Variants in ERG observed in about 807,000 individuals in gnomAD.
The protein encoded by ERG is transcriptional regulator ERG.
Under a neutral mutation model 55.3 loss-of-function variants are expected in ERG, and 9 were observed. The ratio of observed to expected loss-of-function variants is 0.16; its 90% CI spans 0.10 to 0.28. The LOEUF is 0.28. ERG is among the 10% of genes least tolerant of loss of function. ERG has a pLI of 1.00. For synonymous variants in ERG, 223 were observed against 237.3 expected, an observed-to-expected ratio of 0.94 and a Z score of 0.55; for missense variants, 434 against 631.6, an observed-to-expected ratio of 0.69 and a Z score of 3.35.
chr21:38,590,700 C>T (rs1374128312), intron 1 of ERG, among the ~76,000 whole-genome samples: 1 of 152,182 alleles, frequency 6.6e-6, no homozygotes, highest in East Asian at 1.9e-4. Context: ...TGTATTCATC[C>T]ATCCATCTAT....
At chr21:38,371,369 C>G in the ERG span, among the ~76,000 whole-genome samples, 1 of 151,954 alleles carries the variant, frequency 6.6e-6, no homozygotes, top group Non-Finnish European at 1.5e-5. Flanking sequence ...CCAATACTTA[C>G]CATTTTTATT....
intron 1 of ERG, among the ~76,000 whole-genome samples, chr21:38,649,740 G>A (rs2060477628): frequency 6.6e-6 from 1 of 152,172 alleles, no homozygotes; most frequent in Non-Finnish European, 1.5e-5. Flanking sequence ...CACACCTAGT[G>A]GCCCACGTTC....
At chr21:38,376,324 G>A (rs536466780), downstream of ERG, among the ~76,000 whole-genome samples, 19 of 152,264 alleles carry the variant, frequency 1.2e-4, 1 homozygote, top group Middle Eastern at 3.4e-3. Context: ...TTCGTTTCTC[G>A]CTATGCATGT....
chr21:38,597,472 T>TACACACAC (rs3065420), intron 1 of ERG, among the ~76,000 whole-genome samples: 13,236 of 148,186 alleles, frequency 0.089, 783 homozygotes, highest in African/African-American at 0.17. Context: ...TATATATATC[T>TACACACAC]ACACACACAC....
chr21:38,488,580 A>T (rs968215507), intron 1 of ERG, among the ~76,000 whole-genome samples: 1 of 152,190 alleles, frequency 6.6e-6, no homozygotes, highest in Non-Finnish European at 1.5e-5. Flanking sequence ...ATTCGTTGGA[A>T]TTTAGTAACT....
chr21:38,527,406 G>A (rs1027520657), intron 2 of ERG, among the ~76,000 whole-genome samples: 6 of 152,308 alleles, frequency 3.9e-5, no homozygotes, highest in Non-Finnish European at 8.8e-5. Context: ...AAAACCCTGT[G>A]GTTGGTAACT....
chr21:38,498,509 G>A, upstream of ERG: 1 of 1,440,516 alleles, frequency 6.9e-7, no homozygotes, highest in African/African-American at 1.5e-5. This position sits in a 1 kb window ranked among gnomAD's most constrained non-coding sequence, Gnocchi z 4.6. Flanking sequence ...AATGAAGTCA[G>A]CCAATGGCAG....
chr21:38,568,347 G>A (rs1462348606), intron 2 of ERG, among the ~76,000 whole-genome samples: 5 of 152,144 alleles, frequency 3.3e-5, no homozygotes, highest in African/African-American at 9.7e-5. Flanking sequence ...GCCAGGCACC[G>A]CTTTGAATGC....
At chr21:38,445,674 T>G in intron 1 of ERG, 53 bp from the exon 2 acceptor site, 1 of 1,494,886 alleles carries the variant, frequency 6.7e-7, no homozygotes, top group Non-Finnish European at 9.3e-7. Context: ...ACAGTCATGT[T>G]TCAAAAAGTT....
intron 1 of ERG, among the ~76,000 whole-genome samples, chr21:38,479,171 T>C (rs906059897): frequency 1.3e-5 from 2 of 152,230 alleles, no homozygotes; most frequent in African/African-American, 4.8e-5. Flanking sequence ...TATTTTTTCA[T>C]CAACAAAACT....
At chr21:38,513,925 A>G (rs934037301) in intron 2 of ERG, among the ~76,000 whole-genome samples, 3 of 152,122 alleles carry the variant, frequency 2.0e-5, no homozygotes, top group Non-Finnish European at 4.4e-5. Flanking sequence ...TAAAATAACC[A>G]AAGTCAACAA....
intron 1 of ERG, among the ~76,000 whole-genome samples, chr21:38,468,999 A>AAAAAAAAAAAAAAAAAAAAAAC (rs1569123311): frequency 1.5e-5 from 1 of 67,832 alleles, no homozygotes; most frequent in African/African-American, 3.4e-5. Flanking sequence ...AAAAAAAAAA[A>AAAAAAAAAAAAAAAAAAAAAAC]AAGAAAAAAA....
intron 1 of ERG, among the ~76,000 whole-genome samples, chr21:38,581,027 C>A (rs2060025211): frequency 6.6e-6 from 1 of 152,200 alleles, no homozygotes; most frequent in South Asian, 2.1e-4. Flanking sequence ...GCTCATCTTT[C>A]AGACCCAGGG....
Position 38,460,261 on chromosome 21 carries a change from TG to T in ERG, c.19-14641del, listed in dbSNP as rs368541715. 6.6e-6 allele frequency among the ~76,000 whole-genome samples: 1 copy of T among 151,990 alleles called. No individual in the cohort carries two copies. The highest frequency in any genetic ancestry group is 2.4e-5 in the African/African-American group (1 of 41,368). ...AACCAGGAGGTGAACCAGGAAAGGC[TG>T]GGGGTGGTAGAGCCTTGCAGGCCAT... On this transcript the variant is annotated intron_variant, in intron 1 of 9. Transcript: ENST00000288319. This position sits in a 1 kb window ranked among gnomAD's most constrained non-coding sequence, Gnocchi z 5.0.
intron 2 of ERG, among the ~76,000 whole-genome samples, chr21:38,423,930 C>A (rs1989675093): frequency 6.6e-6 from 1 of 152,106 alleles, no homozygotes; most frequent in Non-Finnish European, 1.5e-5. Context: ...GAGCTGAGAT[C>A]ATGCCACTGC....
At chr21:38,491,522 C>G (rs780703855) in intron 1 of ERG, among the ~76,000 whole-genome samples, 3 of 152,158 alleles carry the variant, frequency 2.0e-5, no homozygotes, top group Non-Finnish European at 4.4e-5. Context: ...TTGTTTTTAC[C>G]AAACGTGTTT....
At chr21:38,600,526 C>A (rs1013426327) in intron 1 of ERG, among the ~76,000 whole-genome samples, 1 of 152,162 alleles carries the variant, frequency 6.6e-6, no homozygotes. Context: ...GGGACCCCAT[C>A]CCATGTGGCG....
At chr21:38,643,119 T>C (rs961227442) in intron 1 of ERG, among the ~76,000 whole-genome samples, 2 of 152,194 alleles carry the variant, frequency 1.3e-5, no homozygotes, top group African/African-American at 2.4e-5. Context: ...AAACTTAAGA[T>C]GAAAGCAGTC....
At position 38,407,646 on chromosome 21, in the gene ERG, T is replaced by TATATATATATATATATATATATATATA. The variant is rs34894423; in HGVS notation, c.389-3938_389-3937insTATATATATATATATATATATATATAT. 4.7e-3 allele frequency among the ~76,000 whole-genome samples: 663 copies of TATATATATATATATATATATATATATA among 142,496 alleles called. 18 individuals are homozygous for TATATATATATATATATATATATATATA. Among genetic ancestry groups the TATATATATATATATATATATATATATA allele is most frequent in the African/African-American group, 0.016 (614 of 37,314 alleles). The allele number at this position is 142,496 out of a possible 152,430, so 93.5% of individuals were successfully genotyped here. On this transcript the variant is annotated intron_variant, in intron 3 of 9. Transcript: ENST00000288319. ...GGTCTTACAAAAGGTATATATATAT[T>TATATATATATATATATATATATATATA]TAATGTATATTATATGTATACTATA...
Sources: allele counts gnomAD v4.1 joint callset (sites outside exome capture counted in the v4.1 genomes callset), GRCh38; gene constraint gnomAD v4.1.1; non-coding constraint Gnocchi (gnomAD v3.1); transcripts MANE v1.5; gene names NCBI Gene and HGNC (gene_info 2026-07-23, HGNC 2026-07-21).